The following CCDC33 variants were observed in gnomAD, a reference collection of about 807,000 sequenced individuals.
CCDC33 encodes the protein coiled-coil domain-containing protein 33.
Under a neutral mutation model 91.9 loss-of-function variants are expected in CCDC33, and 94 were observed. The observed-to-expected ratio is 1.02, with a 90% CI of 0.87 to 1.21. The LOEUF (loss-of-function observed/expected upper bound fraction) is 1.21, where lower values mean the gene tolerates loss of function less well. Among genes scored for constraint, CCDC33 ranks in the 50% most tolerant of loss-of-function variants. The pLI, the probability that CCDC33 is intolerant of heterozygous loss-of-function variation, is 0.00. For missense variants in CCDC33, 940 were observed against 935.5 expected, an observed-to-expected ratio of 1.00 and a Z score of -0.06; for synonymous variants, 396 against 374.5, an observed-to-expected ratio of 1.06 and a Z score of -0.66.
intron 2 of CCDC33, among the ~76,000 whole-genome samples, chr15:74,261,764 C>T (rs2076030509): frequency 6.6e-6 from 1 of 152,206 alleles, no homozygotes; most frequent in African/African-American, 2.4e-5. Context: ...TCACCTTATA[C>T]AGCCTGGTCC....
At chr15:74,251,575 G>A (rs547848935) in intron 2 of CCDC33, among the ~76,000 whole-genome samples, 4 of 152,352 alleles carry the variant, frequency 2.6e-5, no homozygotes, top group East Asian at 1.9e-4. Flanking sequence ...GCCAGGACTC[G>A]AAGGGGAAGG....
chr15:74,251,032 C>A (rs117025313), intron 2 of CCDC33, among the ~76,000 whole-genome samples: 2,913 of 152,324 alleles, frequency 0.019, 49 homozygotes, highest in Middle Eastern at 0.054. Context: ...TAGCATCTGG[C>A]CCACTGCCCC....
chr15:74,290,182 C>CTT (rs3057599), intron 10 of CCDC33, among the ~76,000 whole-genome samples: 18,266 of 145,480 alleles, frequency 0.13, 1,236 homozygotes, highest in East Asian at 0.24. Context: ...GTTTCTTTTC[C>CTT]TTTTTTTTTT....
At position 74,218,611 on chromosome 15, in the gene CCDC33, A is replaced by G; in HGVS notation, c.425A>G (p.Tyr142Cys). 1 of 1,289,746 alleles carries G rather than the reference A, an allele frequency of 7.8e-7. No homozygotes were observed. Among genetic ancestry groups the G allele is most frequent in the South Asian group, 1.2e-5 (1 of 81,026 alleles). 79.9% of individuals were successfully genotyped at this position (1,289,746 alleles called of 1,614,324 possible). Reference sequence around the variant, plus strand: ...GTGGGTGAGGCCATCTTCCCCATCTACCCGAGGCCAGACCAACCCCGCATG... The same window carrying G: ...GTGGGTGAGGCCATCTTCCCCATCTGCCCGAGGCCAGACCAACCCCGCATG... The change falls in exon 2 of 3, where the codon TAC (tyrosine) becomes TGC (cysteine). Residue 142 changes from tyrosine to cysteine, a missense_variant. Tyr to Cys is a radical substitution (Grantham distance 194). Coordinates refer to the CCDC33 transcript ENST00000635913. The surrounding 1 kb of genome is among the most constrained non-coding windows in gnomAD (Gnocchi z 4.8).
intron 17 of CCDC33, among the ~76,000 whole-genome samples, chr15:74,334,429 G>A (rs1260638419): frequency 6.6e-6 from 1 of 152,016 alleles, no homozygotes; most frequent in East Asian, 1.9e-4. Flanking sequence ...TGTGTGACCA[G>A]GGTCAGGGTT....
chr15:74,266,286 A>G (rs1311635284), intron 3 of CCDC33, among the ~76,000 whole-genome samples: 3 of 152,186 alleles, frequency 2.0e-5, no homozygotes, highest in African/African-American at 7.2e-5. Flanking sequence ...GTTTGTGACC[A>G]AGGGAAAGAG....
At chr15:74,241,036 G>C (rs540158905) in intron 1 of CCDC33, among the ~76,000 whole-genome samples, 2 of 152,210 alleles carry the variant, frequency 1.3e-5, no homozygotes, top group African/African-American at 4.8e-5. Context: ...CTACCCAGGA[G>C]GGCAGGGAAC....
chr15:74,330,689 A>T lies in CCDC33; in HGVS notation c.1483A>T (p.Ser495Cys), dbSNP rs1242399358. ...TVSMKQKLLLSELDMKKLRDR... is the reference protein window; with the variant it reads ...TVSMKQKLLLCELDMKKLRDR... ...GTCCATGAAGCAGAAACTGCTGCTGAGTGAGCTGGATATGAAGAAACTGAG... is the reference window on the plus strand; with the variant it reads ...GTCCATGAAGCAGAAACTGCTGCTGTGTGAGCTGGATATGAAGAAACTGAG... Residue 495 changes from serine (S) to cysteine (C), a missense_variant, in exon 13 of 19, where the codon AGT (serine) becomes TGT (cysteine). By Grantham distance (112) the Ser-to-Cys change is moderately radical. Transcript: ENST00000398814. 1 of 1,613,586 alleles carries T rather than the reference A, an allele frequency of 6.2e-7. No individual in the cohort carries two copies.
upstream of CCDC33, among the ~76,000 whole-genome samples, chr15:74,213,720 C>G (rs1478293991): frequency 1.3e-5 from 2 of 152,196 alleles, no homozygotes; most frequent in African/African-American, 2.4e-5. Flanking sequence ...GCCTGTGATC[C>G]TGTTGCCCTG....
At chr15:74,256,342 G>T (rs1020600506) in intron 2 of CCDC33, among the ~76,000 whole-genome samples, 1 of 152,188 alleles carries the variant, frequency 6.6e-6, no homozygotes, top group African/African-American at 2.4e-5. Flanking sequence ...AGAAGAGTCC[G>T]GTGATTTCTG....
chr15:74,243,473 G>A (rs1045124032), intron 1 of CCDC33, among the ~76,000 whole-genome samples: 11 of 152,234 alleles, frequency 7.2e-5, no homozygotes, highest in African/African-American at 2.7e-4. Context: ...CTGCAGGAAG[G>A]GTAGGATCCA....
intron 2 of CCDC33, among the ~76,000 whole-genome samples, chr15:74,250,833 G>A (rs2075685531): frequency 6.6e-6 from 1 of 152,218 alleles, no homozygotes; most frequent in Non-Finnish European, 1.5e-5. Flanking sequence ...TTCAATGCCT[G>A]AAAACCTCAC....
Position 74,262,574 on chromosome 15 carries a change from G to A in CCDC33, c.319+1G>A, listed in dbSNP as rs902163387. Reference sequence around the variant, plus strand: ...CAAGCTGAGGATGCAGGGCAAGAAGGTAAGCAGGGGCTGGGCAGGGCCGGC... The same window carrying A: ...CAAGCTGAGGATGCAGGGCAAGAAGATAAGCAGGGGCTGGGCAGGGCCGGC... On this transcript the variant is annotated splice_donor_variant, in intron 3 of 18. Coordinates refer to ENST00000398814, the MANE Select transcript of CCDC33 (RefSeq NM_025055.5). LOFTEE classifies it high-confidence loss of function. 2 of 1,612,112 alleles carry A rather than the reference G, an allele frequency of 1.2e-6. No homozygotes were observed. The highest frequency in any genetic ancestry group is 1.3e-5 in the African/African-American group (1 of 75,018).
At chr15:74,205,541 C>T (rs1000994283) in intron 1 of CCDC33, among the ~76,000 whole-genome samples, 15 of 152,320 alleles carry the variant, frequency 9.8e-5, no homozygotes, top group East Asian at 1.9e-4. Context: ...AGGGATACCC[C>T]GCAATGACCC....
At chr15:74,271,401 G>C (rs1039347890) in intron 5 of CCDC33, among the ~76,000 whole-genome samples, 8 of 152,006 alleles carry the variant, frequency 5.3e-5, no homozygotes, top group African/African-American at 1.9e-4. Flanking sequence ...CCCTTCCCAG[G>C]ACCCAACTCT....
intron 11 of CCDC33, among the ~76,000 whole-genome samples, 199 bp downstream of exon 11, chr15:74,296,147 C>A (rs2059682203): frequency 6.6e-6 from 1 of 152,226 alleles, no homozygotes; most frequent in Non-Finnish European, 1.5e-5. Flanking sequence ...GTCTCTTCAC[C>A]TTTTGAGTGG....
intron 2 of CCDC33, among the ~76,000 whole-genome samples, chr15:74,223,711 C>A (rs2074680296): frequency 6.9e-6 from 1 of 145,496 alleles, no homozygotes; most frequent in African/African-American, 2.6e-5. Context: ...GAGGCTGTGC[C>A]CACCGCCAGC....
intron 10 of CCDC33, among the ~76,000 whole-genome samples, chr15:74,294,892 G>A (rs1484939874): frequency 6.6e-6 from 1 of 152,182 alleles, no homozygotes; most frequent in East Asian, 1.9e-4. Context: ...GGGCGGTGGG[G>A]GTGCTGGTAT....
rs1310767642 is a variant in CCDC33, at chr15:74,329,601, A to G, written c.1291-588A>G. Among the ~76,000 whole-genome samples the G allele has an allele frequency of 2.6e-5, 4 of 152,148 alleles. No individual in the cohort carries two copies. The East Asian group carries it at 7.7e-4, about 29-fold the overall frequency. On this transcript the variant is annotated intron_variant, in intron 11 of 18. Coordinates refer to ENST00000398814, the MANE Select transcript of CCDC33 (RefSeq NM_025055.5). ...ATGGCTGACTCCAGCCCCCAGCCCCACCTCATACCCCACATCCTGTAGCTG... is the reference window on the plus strand; with the variant it reads ...ATGGCTGACTCCAGCCCCCAGCCCCGCCTCATACCCCACATCCTGTAGCTG...
Sources: allele counts gnomAD v4.1 joint callset (sites outside exome capture counted in the v4.1 genomes callset), GRCh38; gene constraint gnomAD v4.1.1; non-coding constraint Gnocchi (gnomAD v3.1); transcripts MANE v1.5; gene names NCBI Gene and HGNC (gene_info 2026-07-23, HGNC 2026-07-21).